Variants in STARD13 observed in about 807,000 individuals in gnomAD.
STARD13 encodes the protein StAR related lipid transfer domain containing 13, also known as stAR-related lipid transfer protein 13.
A neutral mutation model predicts 106.4 loss-of-function variants in STARD13; 62 were observed. The ratio of observed to expected loss-of-function variants is 0.58; its 90% CI spans 0.48 to 0.72. The LOEUF is 0.72. Ranked by LOEUF, STARD13 falls within the 30% of genes least tolerant of loss-of-function variation. The pLI is 0.00. For synonymous variants in STARD13, 565 were observed against 553.0 expected (o/e 1.02, Z -0.31); for missense variants, 1,387 against 1,424.0 (o/e 0.97, Z 0.42).
the STARD13 span, among the ~76,000 whole-genome samples, chr13:33,643,743 G>T: frequency 2.4e-4 from 37 of 152,232 alleles, no homozygotes; most frequent in Non-Finnish European, 4.7e-4. Context: ...GGTCTAAGCC[G>T]CTGGTGAGCA....
chr13:33,651,610 A>C, the STARD13 span, among the ~76,000 whole-genome samples: 1 of 152,222 alleles, frequency 6.6e-6, no homozygotes, highest in Admixed American at 6.5e-5. Context: ...GTTTCCCCAA[A>C]GCCTAATGCC....
the STARD13 span, among the ~76,000 whole-genome samples, chr13:33,652,306 T>A: frequency 6.6e-6 from 1 of 152,230 alleles, no homozygotes; most frequent in East Asian, 1.9e-4. Context: ...GCAGGAATTT[T>A]GATAATTTAA....
At chr13:33,608,967 T>A in the STARD13 span, among the ~76,000 whole-genome samples, 1 of 151,062 alleles carries the variant, frequency 6.6e-6, no homozygotes. Context: ...GCGCCTGTAG[T>A]CCCAGCTACT....
intron 4 of STARD13, chr13:33,138,895 G>C: frequency 2.1e-6 from 1 of 470,054 alleles, no homozygotes. Flanking sequence ...TATTGTGGGA[G>C]GGTAGCGGTG....
At chr13:33,264,208 A>C (rs1357250037) in intron 1 of STARD13, among the ~76,000 whole-genome samples, 2 of 152,220 alleles carry the variant, frequency 1.3e-5, no homozygotes, top group Non-Finnish European at 2.9e-5. Context: ...TTGCCAGCCT[A>C]TGTCACAGTC....
chr13:33,229,197 G>A (rs1888778232), intron 1 of STARD13, among the ~76,000 whole-genome samples: 2 of 152,216 alleles, frequency 1.3e-5, no homozygotes, highest in South Asian at 4.2e-4. Flanking sequence ...TGGTGGGAAA[G>A]TAAACAATGC....
At chr13:33,674,933 G>T in the STARD13 span, among the ~76,000 whole-genome samples, 13 of 152,180 alleles carry the variant, frequency 8.5e-5, no homozygotes, top group African/African-American at 2.4e-5. Context: ...CAGATGTGGA[G>T]AAATGTTGTC....
chr13:33,544,009 A>G, the STARD13 span, among the ~76,000 whole-genome samples: 4 of 152,238 alleles, frequency 2.6e-5, no homozygotes, highest in African/African-American at 9.6e-5. Context: ...GATTAAAGCA[A>G]CCAGTTCATA....
chr13:33,329,462 AC>A (rs1186068254), intron 1 of STARD13, among the ~76,000 whole-genome samples: 2 of 152,028 alleles, frequency 1.3e-5, no homozygotes, highest in African/African-American at 4.8e-5. Flanking sequence ...CCAGGCAACC[AC>A]CATCCTACTT....
the STARD13 span, among the ~76,000 whole-genome samples, chr13:33,492,223 A>T: frequency 2.6e-5 from 4 of 152,298 alleles, no homozygotes; most frequent in South Asian, 8.3e-4. Context: ...GTCACAGGGG[A>T]TATGATGGCT....
At chr13:33,549,884 A>G in the STARD13 span, among the ~76,000 whole-genome samples, 1 of 152,208 alleles carries the variant, frequency 6.6e-6, no homozygotes, top group South Asian at 2.1e-4. Flanking sequence ...TGTGCCAGGC[A>G]TGCACAACTG....
chr13:33,478,382 C>G, the STARD13 span, among the ~76,000 whole-genome samples: 49 of 152,218 alleles, frequency 3.2e-4, no homozygotes, highest in Admixed American at 1.0e-3. Context: ...TATTGAGGAC[C>G]TAAATTTTTC....
chr13:33,402,860 C>T, the STARD13 span, among the ~76,000 whole-genome samples: 4 of 152,228 alleles, frequency 2.6e-5, no homozygotes, highest in Non-Finnish European at 4.4e-5. Flanking sequence ...TCCCCACTTC[C>T]GGCTCCCCAT....
At chr13:33,528,578 C>T in the STARD13 span, among the ~76,000 whole-genome samples, 1 of 151,824 alleles carries the variant, frequency 6.6e-6, no homozygotes, top group Non-Finnish European at 1.5e-5. Flanking sequence ...CAGCCCTGAG[C>T]TAATATAATT....
the STARD13 span, among the ~76,000 whole-genome samples, chr13:33,625,730 T>A: frequency 6.6e-6 from 1 of 151,020 alleles, no homozygotes; most frequent in Non-Finnish European, 1.5e-5. Context: ...TGAGACGGAG[T>A]CTCGCTCTGT....
chr13:33,166,993 C>CA (rs376027158), intron 2 of STARD13, among the ~76,000 whole-genome samples: 5,844 of 103,250 alleles, frequency 0.057, 435 homozygotes, highest in African/African-American at 0.2. Context: ...GACTCTATCT[C>CA]AAAAAAAAAC....
chr13:33,455,242 A>G, the STARD13 span, among the ~76,000 whole-genome samples: 3 of 152,230 alleles, frequency 2.0e-5, no homozygotes, highest in African/African-American at 7.2e-5. Context: ...TCTGAACAGG[A>G]TGCAACCATC....
the STARD13 span, among the ~76,000 whole-genome samples, chr13:33,637,043 GAAT>G: frequency 2.0e-5 from 3 of 152,170 alleles, no homozygotes; most frequent in Non-Finnish European, 4.4e-5. Context: ...ATGAAGGAAT[GAAT>G]AGTACCCTTA....
At chr13:33,480,997 C>T in the STARD13 span, among the ~76,000 whole-genome samples, 2 of 151,828 alleles carry the variant, frequency 1.3e-5, no homozygotes, top group South Asian at 4.2e-4. Context: ...AGAAAAAGAA[C>T]CATATTACCA....
Sources: gnomAD v4.1 joint callset for allele counts (sites outside exome capture counted in the v4.1 genomes callset) on GRCh38, gnomAD v4.1.1 for gene constraint, MANE v1.5 for transcripts, NCBI Gene and HGNC (gene_info 2026-07-23, HGNC 2026-07-21) for gene names.